The following RGS17 variants were observed in gnomAD, a reference collection of about 807,000 sequenced individuals.
RGS17 encodes the protein regulator of G-protein signaling 17.
A neutral mutation model predicts 25.5 loss-of-function variants in RGS17; 12 were observed. That is an observed-to-expected ratio of 0.47 (90% confidence interval 0.30 to 0.76). The LOEUF is 0.76. Among genes scored for constraint, RGS17 ranks in the 30% least tolerant of loss-of-function variants. RGS17 has a pLI of 0.07. For missense variants in RGS17, 196 were observed against 242.2 expected, an observed-to-expected ratio of 0.81 and a Z score of 1.27; for synonymous variants, 71 against 76.9, an observed-to-expected ratio of 0.92 and a Z score of 0.40.
At chr6:153,114,858 G>C (rs1379824675) in intron 1 of RGS17, among the ~76,000 whole-genome samples, 1 of 152,050 alleles carries the variant, frequency 6.6e-6, no homozygotes, top group Non-Finnish European at 1.5e-5. Context: ...ATGCAGAAAA[G>C]GCCTTCAATA....
chr6:153,031,116 C>T (rs1779357910), intron 2 of RGS17, among the ~76,000 whole-genome samples: 1 of 152,046 alleles, frequency 6.6e-6, no homozygotes, highest in South Asian at 2.1e-4. Flanking sequence ...AGGGCTGGAG[C>T]AGGAGAATAA....
chr6:153,045,140 G>GTT (rs1776371863), intron 1 of RGS17, among the ~76,000 whole-genome samples: 1 of 152,130 alleles, frequency 6.6e-6, no homozygotes, highest in Admixed American at 6.5e-5. Context: ...CTGCATTCTT[G>GTT]AAAACCAGAT....
chr6:153,099,990 C>G (rs1435915699), intron 1 of RGS17, among the ~76,000 whole-genome samples: 1 of 152,050 alleles, frequency 6.6e-6, no homozygotes, highest in Admixed American at 6.6e-5. Flanking sequence ...AAATCAAGGG[C>G]TATATTTAGT....
chr6:153,105,627 C>T (rs62438273), intron 1 of RGS17, among the ~76,000 whole-genome samples: 4 of 151,512 alleles, frequency 2.6e-5, no homozygotes, highest in Non-Finnish European at 4.4e-5. Flanking sequence ...GGTCTGGCAG[C>T]AGTATGTAAG....
intron 2 of RGS17, among the ~76,000 whole-genome samples, chr6:153,036,033 TCTTGG>T (rs1328897064): frequency 6.6e-6 from 1 of 152,152 alleles, no homozygotes; most frequent in African/African-American, 2.4e-5. Context: ...CTCTCAATTC[TCTTGG>T]CTTCTGTAAC....
chr6:153,084,743 AG>A (rs1172692185), intron 1 of RGS17, among the ~76,000 whole-genome samples: 11 of 152,210 alleles, frequency 7.2e-5, no homozygotes, highest in Non-Finnish European at 1.6e-4. Context: ...AGCACTGTCC[AG>A]CGAATGGTGT....
intron 1 of RGS17, among the ~76,000 whole-genome samples, chr6:153,057,137 T>G (rs1776572368): frequency 6.6e-6 from 1 of 151,802 alleles, no homozygotes; most frequent in Non-Finnish European, 1.5e-5. Flanking sequence ...CAATGTAAAC[T>G]CTTATATTTT....
At chr6:153,025,146 CA>C (rs35138283) in intron 3 of RGS17, among the ~76,000 whole-genome samples, 3 of 148,974 alleles carry the variant, frequency 2.0e-5, no homozygotes, top group African/African-American at 2.5e-5. Context: ...CCTGTCTCTG[CA>C]AAAAAAAAAT....
At chr6:153,110,705 C>G (rs911294762) in intron 1 of RGS17, among the ~76,000 whole-genome samples, 1 of 152,174 alleles carries the variant, frequency 6.6e-6, no homozygotes, top group Admixed American at 6.5e-5. Context: ...ACGCAGAAGG[C>G]AGGTGATTTC....
chr6:153,020,110 AAATATATATATAT>A (rs1169060270), intron 4 of RGS17, among the ~76,000 whole-genome samples: 5 of 32,684 alleles, frequency 1.5e-4, no homozygotes, highest in African/African-American at 5.9e-4. Flanking sequence ...TAAAAAAAAA[AAATATATATATAT>A]ATATATATAT....
intron 1 of RGS17, among the ~76,000 whole-genome samples, chr6:153,084,523 A>C (rs558637176): frequency 6.6e-6 from 1 of 152,324 alleles, no homozygotes; most frequent in African/African-American, 2.4e-5. Flanking sequence ...CACTTGGCTT[A>C]AATGACTCAT....
At chr6:153,109,869 G>A (rs948624881) in intron 1 of RGS17, among the ~76,000 whole-genome samples, 3 of 152,232 alleles carry the variant, frequency 2.0e-5, no homozygotes, top group Non-Finnish European at 2.9e-5. Flanking sequence ...GCCCCCTGGG[G>A]CCCTGAGGCA....
chr6:153,089,225 GTA>G (rs1777093452), intron 1 of RGS17, among the ~76,000 whole-genome samples: 2 of 30,872 alleles, frequency 6.5e-5, no homozygotes, highest in African/African-American at 2.1e-4. Context: ...AGGTATATAT[GTA>G]TATATGTATA....
At chr6:153,061,403 CATTTT>C (rs1386261785) in intron 1 of RGS17, among the ~76,000 whole-genome samples, 3 of 152,096 alleles carry the variant, frequency 2.0e-5, no homozygotes, top group Non-Finnish European at 4.4e-5. Flanking sequence ...GTGACATGTT[CATTTT>C]GAGATTCATA....
chr6:153,129,595 G>A (rs1193701360), intron 1 of RGS17, among the ~76,000 whole-genome samples: 1 of 152,184 alleles, frequency 6.6e-6, no homozygotes, highest in Non-Finnish European at 1.5e-5. Flanking sequence ...AAACCAGTAT[G>A]TATGAACGCC....
At chr6:153,020,442 C>G (rs541978052) in intron 4 of RGS17, among the ~76,000 whole-genome samples, 1 of 151,620 alleles carries the variant, frequency 6.6e-6, no homozygotes. Context: ...TGTGAGCCAC[C>G]GCGCCCGGTG....
chr6:153,109,106 C>T (rs974324584), intron 1 of RGS17, among the ~76,000 whole-genome samples: 7 of 109,826 alleles, frequency 6.4e-5, no homozygotes, highest in Non-Finnish European at 9.4e-5. Context: ...AGCAAATAAA[C>T]GATAATACAG....
intron 2 of RGS17, among the ~76,000 whole-genome samples, chr6:153,037,430 CTTT>C (rs532609053): frequency 1.4e-5 from 2 of 142,712 alleles, no homozygotes; most frequent in Non-Finnish European, 3.1e-5. Flanking sequence ...GCATTTTTTA[CTTT>C]TTTTTTTTTT....
At chr6:153,032,737 C>T (rs1776169984) in intron 2 of RGS17, among the ~76,000 whole-genome samples, 1 of 152,052 alleles carries the variant, frequency 6.6e-6, no homozygotes, top group African/African-American at 2.4e-5. Flanking sequence ...ACCATTTTTC[C>T]TTTTTGGTAT....
Sources: gnomAD v4.1 joint callset for allele counts (sites outside exome capture counted in the v4.1 genomes callset) on GRCh38, gnomAD v4.1.1 for gene constraint, MANE v1.5 for transcripts, NCBI Gene and HGNC (gene_info 2026-07-23, HGNC 2026-07-21) for gene names.